TANGO6: variants seen among roughly 807,000 people sequenced by gnomAD.
TANGO6 encodes the protein transport and golgi organization 6 homolog.
TANGO6 carries 90 observed loss-of-function variants against 114.2 expected under a neutral mutation model. The observed-to-expected ratio is 0.79, with a 90% confidence interval of 0.66 to 0.94. The LOEUF is 0.94. TANGO6 is among the 40% of genes least tolerant of loss of function. TANGO6 has a pLI of 0.00. For synonymous variants in TANGO6, 477 were observed against 509.8 expected (o/e 0.94, Z 0.87); for missense variants, 1,274 against 1,315.3 (o/e 0.97, Z 0.49).
chr16:69,065,941 AATTT>A (rs567422902), intron 17 of TANGO6, among the ~76,000 whole-genome samples: 395 of 152,150 alleles, frequency 2.6e-3, no homozygotes, highest in Non-Finnish European at 2.6e-3. Context: ...CTGCTTCCCC[AATTT>A]ATTTGTTTCC....
chr16:68,875,638 G>A (rs559737429), intron 5 of TANGO6, among the ~76,000 whole-genome samples: 17 of 151,988 alleles, frequency 1.1e-4, no homozygotes, highest in African/African-American at 2.4e-4. Flanking sequence ...GTGTGGTGGC[G>A]CATGCCTGTA....
At chr16:68,892,534 G>T (rs1286527319) in intron 7 of TANGO6, among the ~76,000 whole-genome samples, 1 of 149,144 alleles carries the variant, frequency 6.7e-6, no homozygotes, top group Non-Finnish European at 1.5e-5. Context: ...TTTTGAGACG[G>T]AGTCTCTGTC....
intron 14 of TANGO6, among the ~76,000 whole-genome samples, chr16:68,966,664 GTGT>G (rs1040084698): frequency 1.3e-5 from 2 of 152,030 alleles, no homozygotes; most frequent in Non-Finnish European, 2.9e-5. Flanking sequence ...GAGTGTGGTG[GTGT>G]TGTGCTAGCT....
At chr16:68,879,891 C>T (rs1306021736) in intron 6 of TANGO6, among the ~76,000 whole-genome samples, 1 of 151,922 alleles carries the variant, frequency 6.6e-6, no homozygotes, top group Admixed American at 6.6e-5. Context: ...GCTGGGATTA[C>T]AGGCGTGAGC....
intron 11 of TANGO6, among the ~76,000 whole-genome samples, chr16:68,910,908 C>T (rs1962914013): frequency 6.6e-6 from 1 of 152,050 alleles, no homozygotes; most frequent in South Asian, 2.1e-4. Flanking sequence ...AACTCCTGAC[C>T]TCAGGTGATC....
intron 7 of TANGO6, among the ~76,000 whole-genome samples, chr16:68,886,810 C>T (rs1333030728): frequency 6.6e-6 from 1 of 150,754 alleles, no homozygotes; most frequent in Non-Finnish European, 1.5e-5. Flanking sequence ...TGCACCTGGC[C>T]CATACTTTTT....
Position 68,960,161 on chromosome 16 carries a change from C to T in TANGO6, c.2702-13867C>T, listed in dbSNP as rs58000615. Among the ~76,000 whole-genome samples the T allele has an allele frequency of 1.6e-4, 24 of 152,244 alleles. No individual in the cohort carries two copies. The East Asian group carries it at 3.9e-3, about 24-fold the overall frequency. On this transcript the variant is annotated intron_variant, in intron 14 of 17. Coordinates refer to ENST00000261778, the MANE Select transcript of TANGO6 (RefSeq NM_024562.2). ...AGAAAATTAAATGAATGACGCCTGG[C>T]TTCTTTATTTCTTACCCGTGATCAG...
At position 68,907,540 on chromosome 16, in the gene TANGO6, G is replaced by A. The variant is rs770564418; in HGVS notation, c.1765G>A (p.Gly589Ser). 5.6e-6 allele frequency: 9 copies of A among 1,613,622 alleles called. No homozygotes were observed. Among genetic ancestry groups the A allele is most frequent in the East Asian group, 2.2e-5 (1 of 44,856 alleles). ...GDLLSHCQEC[G>S]LAGDFFIFCL... ...CTTGCTGTCCCACTGCCAGGAATGC[G>A]GTTTGGCAGGAGACTTCTTCATCTT... is the stretch of plus-strand genomic sequence containing the variant. Residue 589 changes from glycine to serine, a missense_variant, in exon 10 of 18, where the codon GGT becomes AGT. Physicochemically the swap from Gly to Ser is moderately conservative, Grantham distance 56 (BLOSUM62 0). Transcript: ENST00000261778.
chr16:69,069,367 C>A (rs1199433778), intron 17 of TANGO6, among the ~76,000 whole-genome samples: 1 of 152,158 alleles, frequency 6.6e-6, no homozygotes, highest in Non-Finnish European at 1.5e-5. Context: ...TCATCTGTTC[C>A]CTCTCACATC....
intron 2 of TANGO6, 111 bp downstream of exon 2, chr16:68,860,635 A>G: frequency 7.6e-7 from 1 of 1,315,496 alleles, no homozygotes; most frequent in Non-Finnish European, 1.0e-6. Context: ...AGAACTGGAT[A>G]TGCCAAAGCA....
intron 7 of TANGO6, among the ~76,000 whole-genome samples, chr16:68,897,795 G>A (rs1476898918): frequency 6.6e-6 from 1 of 151,786 alleles, no homozygotes; most frequent in South Asian, 2.1e-4. Context: ...TCAGGCTGGT[G>A]TCGAACTCCT....
At chr16:68,928,125 G>A (rs1963193938) in intron 13 of TANGO6, 42 bp downstream of exon 13, 5 of 1,501,854 alleles carry the variant, frequency 3.3e-6, no homozygotes, top group Non-Finnish European at 4.4e-6. Context: ...CACAGGGTGG[G>A]GCATTCATTC....
rs182406765 is a variant in TANGO6, at chr16:69,052,485, T to C, written c.3108+12064T>C. Among the ~76,000 whole-genome samples, 11 of 151,906 alleles carry C rather than the reference T, an allele frequency of 7.2e-5. No individual in the cohort carries two copies. In the East Asian group the frequency reaches 1.9e-3, roughly 27 times the overall value. On this transcript the variant is annotated intron_variant, in intron 17 of 17. Transcript: ENST00000261778. ...AGTTTTGCCATGTTGCCCAGACTGG[T>C]CAAGACCTGAGCTTGAGCCATCTGC...
chr16:69,032,385 C>T (rs1474646713), intron 16 of TANGO6, among the ~76,000 whole-genome samples: 1 of 152,022 alleles, frequency 6.6e-6, no homozygotes, highest in African/African-American at 2.4e-5. Context: ...CTTGCCTCAG[C>T]CTCTCAAGTA....
chr16:68,927,505 C>A, intron 12 of TANGO6, 63 bp from the exon 13 acceptor site: 1 of 1,549,640 alleles, frequency 6.5e-7, no homozygotes, highest in Non-Finnish European at 8.8e-7. Flanking sequence ...TTTCCTGGTG[C>A]TCAGGTCATA....
At chr16:69,043,456 A>G (rs1959805291) in intron 17 of TANGO6, among the ~76,000 whole-genome samples, 1 of 152,098 alleles carries the variant, frequency 6.6e-6, no homozygotes, top group Non-Finnish European at 1.5e-5. Flanking sequence ...GTGGCCATGG[A>G]AGATTTTTGT....
At chr16:68,936,673 T>G in intron 14 of TANGO6, among the ~76,000 whole-genome samples, 1 of 152,198 alleles carries the variant, frequency 6.6e-6, no homozygotes, top group East Asian at 1.9e-4. Context: ...TCTGTTCATA[T>G]GTCCTCTCAG....
chr16:69,005,116 A>G (rs1244577443), intron 15 of TANGO6, among the ~76,000 whole-genome samples: 1 of 152,150 alleles, frequency 6.6e-6, no homozygotes, highest in Admixed American at 6.5e-5. Context: ...GAGACCTAAC[A>G]CAGTTGGGGG....
intron 11 of TANGO6, among the ~76,000 whole-genome samples, chr16:68,910,717 C>G (rs1962911032): frequency 6.6e-6 from 1 of 152,166 alleles, no homozygotes; most frequent in African/African-American, 2.4e-5. Flanking sequence ...GTCTCTGTCG[C>G]CCAGGCTGGA....
Sources: allele counts gnomAD v4.1 joint callset (sites outside exome capture counted in the v4.1 genomes callset), GRCh38; gene constraint gnomAD v4.1.1; transcripts MANE v1.5; gene names NCBI Gene and HGNC (gene_info 2026-07-23, HGNC 2026-07-21).